Variants in NEGR1 observed in about 807,000 individuals in gnomAD.
NEGR1 encodes IgLON family member 4.
NEGR1 carries 10 observed loss-of-function variants against 40.9 expected under a neutral mutation model. That is an observed-to-expected ratio of 0.24 (90% CI 0.15 to 0.42). The LOEUF (loss-of-function observed/expected upper bound fraction) is 0.42. Ranked by LOEUF, NEGR1 falls within the 10% of genes least tolerant of loss-of-function variation. NEGR1 has a pLI of 1.00. For synonymous variants in NEGR1, 185 were observed against 166.8 expected (o/e 1.11, Z -0.84); for missense variants, 352 against 438.9 (o/e 0.80, Z 1.77).
intron 6 of NEGR1, among the ~76,000 whole-genome samples, chr1:71,566,896 C>T (rs958029960): frequency 3.3e-5 from 5 of 152,072 alleles, no homozygotes; most frequent in Admixed American, 2.0e-4. Context: ...CTGGCTGTGT[C>T]CTTACAGAGT....
intron 4 of NEGR1, among the ~76,000 whole-genome samples, chr1:71,688,341 G>T (rs2422026): frequency 0.15 from 5,990 of 40,570 alleles, 545 homozygotes; most frequent in African/African-American, 0.25. Context: ...TAGATAGATA[G>T]ATAGATAGAT....
chr1:71,441,892 A>G (rs1646549651), intron 6 of NEGR1, among the ~76,000 whole-genome samples: 1 of 152,186 alleles, frequency 6.6e-6, no homozygotes, highest in African/African-American at 2.4e-5. Flanking sequence ...TATTCTCACC[A>G]TATTTTGTAC....
At chr1:71,424,581 G>T (rs900090116) in intron 6 of NEGR1, among the ~76,000 whole-genome samples, 2 of 152,076 alleles carry the variant, frequency 1.3e-5, no homozygotes, top group Non-Finnish European at 2.9e-5. Context: ...ATCTGGGTGG[G>T]CCTACCCCAG....
At chr1:71,629,472 G>C (rs1195086965) in intron 4 of NEGR1, among the ~76,000 whole-genome samples, 1 of 151,850 alleles carries the variant, frequency 6.6e-6, no homozygotes, top group Non-Finnish European at 1.5e-5. Context: ...GTATTCCTAA[G>C]TATTTTATTC....
At chr1:71,453,418 T>C (rs1289905453) in intron 6 of NEGR1, among the ~76,000 whole-genome samples, 1 of 152,148 alleles carries the variant, frequency 6.6e-6, no homozygotes, top group Admixed American at 6.5e-5. Context: ...AAATACCTTG[T>C]CCTGTGATAA....
intron 1 of NEGR1, among the ~76,000 whole-genome samples, chr1:72,244,961 A>C (rs2100520101): frequency 6.6e-6 from 1 of 152,108 alleles, no homozygotes; most frequent in East Asian, 1.9e-4. Context: ...TAGTGAAATC[A>C]CCGACGAAAA....
chr1:72,125,987 G>C (rs923698865), intron 1 of NEGR1, among the ~76,000 whole-genome samples: 3 of 151,988 alleles, frequency 2.0e-5, no homozygotes, highest in Admixed American at 2.0e-4. Flanking sequence ...AATAATTCTG[G>C]TTTGCGAATA....
chr1:72,010,610 C>G (rs1251705536), intron 1 of NEGR1, among the ~76,000 whole-genome samples: 3 of 151,938 alleles, frequency 2.0e-5, no homozygotes, highest in South Asian at 2.1e-4. Flanking sequence ...TCTCCCTCCC[C>G]CCAACCCCTT....
intron 6 of NEGR1, among the ~76,000 whole-genome samples, chr1:71,571,740 C>G (rs555398629): frequency 1.4e-5 from 2 of 140,716 alleles, no homozygotes; most frequent in Admixed American, 7.7e-5. Flanking sequence ...CTGCAGTGAA[C>G]TGTCATGGTG....
intron 6 of NEGR1, among the ~76,000 whole-genome samples, chr1:71,475,036 G>A: frequency 6.6e-6 from 1 of 151,982 alleles, no homozygotes; most frequent in East Asian, 1.9e-4. Flanking sequence ...TATTCTTTAT[G>A]GGTACATATA....
chr1:72,248,249 C>A (rs1339343040), intron 1 of NEGR1, among the ~76,000 whole-genome samples: 1 of 152,086 alleles, frequency 6.6e-6, no homozygotes, highest in East Asian at 1.9e-4. Context: ...ACTTTCTCAT[C>A]TAAGACTTGT....
At chr1:71,929,946 A>G (rs2101893191) in intron 2 of NEGR1, among the ~76,000 whole-genome samples, 1 of 152,226 alleles carries the variant, frequency 6.6e-6, no homozygotes, top group Non-Finnish European at 1.5e-5. Flanking sequence ...GTGGCCACAT[A>G]GAGTAATTGC....
intron 4 of NEGR1, among the ~76,000 whole-genome samples, chr1:71,634,485 C>T (rs985189408): frequency 1.2e-4 from 18 of 152,042 alleles, no homozygotes; most frequent in African/African-American, 4.1e-4. Flanking sequence ...TAGGACTCTT[C>T]CATATTGTTA....
At chr1:71,508,492 T>G (rs1647050911) in intron 6 of NEGR1, among the ~76,000 whole-genome samples, 1 of 152,152 alleles carries the variant, frequency 6.6e-6, no homozygotes, top group South Asian at 2.1e-4. Flanking sequence ...AAATGGAAAC[T>G]GGCAGGGGAC....
intron 3 of NEGR1, among the ~76,000 whole-genome samples, chr1:71,774,459 G>A (rs2101715775): frequency 6.6e-6 from 1 of 152,220 alleles, no homozygotes; most frequent in East Asian, 1.9e-4. Flanking sequence ...CAGATATATT[G>A]ATTTTTTCTC....
intron 4 of NEGR1, among the ~76,000 whole-genome samples, chr1:71,642,633 G>C (rs905125388): frequency 4.0e-5 from 6 of 151,766 alleles, no homozygotes; most frequent in Non-Finnish European, 8.8e-5. Context: ...AAAGTGATTT[G>C]AGATCACAAA....
At chr1:71,726,588 T>C (rs949251551) in intron 3 of NEGR1, among the ~76,000 whole-genome samples, 5 of 152,122 alleles carry the variant, frequency 3.3e-5, no homozygotes, top group African/African-American at 1.2e-4. Context: ...TACGTGATTG[T>C]AAAGATAGAT....
At chr1:72,226,781 AT>A (rs1654205311) in intron 1 of NEGR1, among the ~76,000 whole-genome samples, 1 of 152,028 alleles carries the variant, frequency 6.6e-6, no homozygotes, top group Admixed American at 6.6e-5. Flanking sequence ...TTATACGTAT[AT>A]TTACTTTTAT....
At position 71,725,884 on chromosome 1, in the gene NEGR1, A is replaced by T. The variant is rs1654656887; in HGVS notation, c.536-27745T>A. On this transcript the variant is annotated intron_variant, in intron 3 of 6. Coordinates refer to ENST00000357731, the MANE Select transcript of NEGR1 (RefSeq NM_173808.3). Reference sequence around the variant, plus strand: ...CTCCTCCTCAGTGATAGAAGAATTGACTTTATCTGCTCAGCATCTCTCTAC... The same window carrying T: ...CTCCTCCTCAGTGATAGAAGAATTGTCTTTATCTGCTCAGCATCTCTCTAC... 2.0e-5 allele frequency among the ~76,000 whole-genome samples: 3 copies of T among 152,098 alleles called. No homozygotes were observed. In the South Asian group the frequency reaches 6.2e-4, roughly 31 times the overall value.
Sources: gnomAD v4.1 joint callset for allele counts (sites outside exome capture counted in the v4.1 genomes callset) on GRCh38, gnomAD v4.1.1 for gene constraint, MANE v1.5 for transcripts, NCBI Gene and HGNC (gene_info 2026-07-23, HGNC 2026-07-21) for gene names.